The following ELAVL3 variants were observed in gnomAD, a reference collection of about 807,000 sequenced individuals.
ELAVL3 encodes the protein ELAV like RNA binding protein 3, also known as ELAV-like protein 3.
ELAVL3 carries 8 observed loss-of-function variants against 34.2 expected under a neutral mutation model. The observed-to-expected ratio is 0.23, with a 90% CI of 0.14 to 0.42. The LOEUF (loss-of-function observed/expected upper bound fraction) is 0.42. Ranked by LOEUF, ELAVL3 falls within the 10% of genes least tolerant of loss-of-function variation. ELAVL3 has a pLI of 1.00. For synonymous variants in ELAVL3, 209 were observed against 222.1 expected, an observed-to-expected ratio of 0.94 and a Z score of 0.53; for missense variants, 273 against 518.8, an observed-to-expected ratio of 0.53 and a Z score of 4.60.
intron 1 of ELAVL3, among the ~76,000 whole-genome samples, chr19:11,469,188 A>T (rs182202895): frequency 2.0e-5 from 3 of 152,076 alleles, no homozygotes. Flanking sequence ...TTGGCCTCCC[A>T]TAGTGTTGGA....
Position 11,458,696 on chromosome 19 carries a change from G to A in ELAVL3, c.334-85C>T, listed in dbSNP as rs1020517935. 9.7e-6 allele frequency: 15 copies of A among 1,538,888 alleles called. No individual in the cohort carries two copies. The highest frequency in any genetic ancestry group is 2.3e-5 in the East Asian group (1 of 44,354). On this transcript the variant is annotated intron_variant, in intron 3 of 6. Coordinates refer to ENST00000359227, the MANE Select transcript of ELAVL3 (RefSeq NM_001420.4). This position sits in a 1 kb window ranked among gnomAD's most constrained non-coding sequence, Gnocchi z 7.3. ...AGTGAGGCCATGTCTAAACCATCAC[G>A]GAGTTAGCAGAAGTGACCCATCCGT...
rs1599526410 is a variant in ELAVL3 at position 11,454,933 on chromosome 19, T to C, written c.753-56A>G. ...GACCCCCCGCATGCTTCTGACCCCG[T>C]TGTGACCCTTCACACCTTTATGACC... On this transcript the variant is annotated intron_variant, in intron 6 of 6. Transcript: ENST00000359227. The surrounding 1 kb of genome is among the most constrained non-coding windows in gnomAD (Gnocchi z 9.2). The C allele has an allele frequency of 6.5e-7, 1 of 1,529,384 alleles. No individual in the cohort carries two copies. The highest frequency in any genetic ancestry group is 2.3e-5 in the East Asian group (1 of 44,236). 94.7% of individuals were successfully genotyped at this position (1,529,384 alleles called of 1,614,324 possible).
chr19:11,479,923 G>GC (rs1268440295), intron 1 of ELAVL3, among the ~76,000 whole-genome samples: 2 of 151,428 alleles, frequency 1.3e-5, no homozygotes, highest in Non-Finnish European at 3.0e-5. Context: ...GCCCAGAGGT[G>GC]CCCCCCCAAC....
chr19:11,479,929 C>G (rs931329807), intron 1 of ELAVL3, among the ~76,000 whole-genome samples: 3 of 151,706 alleles, frequency 2.0e-5, no homozygotes, highest in East Asian at 1.9e-4. Flanking sequence ...AGGTGCCCCC[C>G]CAACCCGCGG....
At chr19:11,460,194 A>G (rs1453000106) in intron 3 of ELAVL3, among the ~76,000 whole-genome samples, 1 of 152,098 alleles carries the variant, frequency 6.6e-6, no homozygotes, top group African/African-American at 2.4e-5. Flanking sequence ...TCACATGCAC[A>G]TCCAACCCAC....
rs755011401 is a variant in ELAVL3, at chr19:11,466,623, G to T, written c.214C>A (p.Arg72=). Residue 72 remains arginine (R), a synonymous_variant, in exon 2 of 7, where the codon CGG becomes AGG. Coordinates refer to ENST00000359227, the MANE Select transcript of ELAVL3 (RefSeq NM_001420.4). This position sits in a 1 kb window ranked among gnomAD's most constrained non-coding sequence, Gnocchi z 5.0. ...IGDIESCKLV[R]DKITGQSLGY... ...GCAGCCACACCTGTGATCTTGTCCC[G>T]AACCAACTTGCAGGACTCGATGTCG... 5 of 1,613,792 alleles carry T rather than the reference G, an allele frequency of 3.1e-6. No individual in the cohort carries two copies. The highest frequency in any genetic ancestry group is 4.2e-6 in the Non-Finnish European group (5 of 1,180,002).
In ELAVL3 at chr19:11,466,313, C is replaced by A. The variant is rs749161940; in HGVS notation, c.230-38G>T. 2.5e-6 allele frequency: 4 copies of A among 1,579,072 alleles called. No individual in the cohort carries two copies. Among genetic ancestry groups the A allele is most frequent in the African/African-American group, 2.7e-5 (2 of 74,212 alleles). On this transcript the variant is annotated intron_variant, in intron 2 of 6. Coordinates refer to ENST00000359227, the MANE Select transcript of ELAVL3 (RefSeq NM_001420.4). The surrounding 1 kb of genome is among the most constrained non-coding windows in gnomAD (Gnocchi z 5.0). ...CCAGAATGATGACCTTCCCACCCAG[C>A]CTTGACACCTGCCAGTGTCCCACCT...
In ELAVL3 at chr19:11,452,290, TAAAG is replaced by T. The variant is rs751780406; in HGVS notation, c.*2232_*2235del. Reference sequence around the variant, plus strand: ...GGCATAACCATGTCTCGGCAAAACTTAAAGAAACAAAGAGAACATTGTCGTTCCT... The same window carrying T: ...GGCATAACCATGTCTCGGCAAAACTTAAACAAAGAGAACATTGTCGTTCCT... On this transcript the variant is annotated 3_prime_UTR_variant, in exon 7 of 7. Coordinates refer to ENST00000359227, the MANE Select transcript of ELAVL3 (RefSeq NM_001420.4). The T allele has an allele frequency of 3.3e-5, 5 of 152,160 alleles. No individual in the cohort carries two copies. The highest frequency in any genetic ancestry group is 5.9e-5 in the Non-Finnish European group (4 of 68,040). The allele number at this position is 152,160 out of a possible 1,614,324, so 9.4% of individuals were successfully genotyped here.
Position 11,466,184 on chromosome 19 carries a change from C to T in ELAVL3, c.321G>A (p.Thr107=), listed in dbSNP as rs201229155. Residue 107 remains threonine, a synonymous_variant, in exon 3 of 7, where the codon ACG becomes ACA. Transcript: ENST00000359227. The surrounding 1 kb of genome is among the most constrained non-coding windows in gnomAD (Gnocchi z 5.0). ...AGGAGGCACCAACCTTGATGGTCTT[C>T]GTCTGTAATTTGAGGCCGTTGAGGG... ...INTLNGLKLQ[T]KTIKVSYARP... 4.5e-5 allele frequency: 72 copies of T among 1,613,780 alleles called. No homozygotes were observed. The highest frequency in any genetic ancestry group is 2.9e-4 in the South Asian group (26 of 91,076).
At chr19:11,463,022 CT>C (rs1338224674) in intron 3 of ELAVL3, among the ~76,000 whole-genome samples, 2 of 150,996 alleles carry the variant, frequency 1.3e-5, no homozygotes, top group Non-Finnish European at 3.0e-5. Flanking sequence ...GTTTTCTCTT[CT>C]TTTTTTCTCT....
At chr19:11,459,207 C>T (rs1156634279) in intron 3 of ELAVL3, among the ~76,000 whole-genome samples, 2 of 151,246 alleles carry the variant, frequency 1.3e-5, no homozygotes, top group Non-Finnish European at 2.9e-5. Context: ...ATTGCAACCT[C>T]TGCTTACCGG....
chr19:11,468,024 T>C (rs1971090942), intron 1 of ELAVL3, among the ~76,000 whole-genome samples: 1 of 151,834 alleles, frequency 6.6e-6, no homozygotes, highest in South Asian at 2.1e-4. Context: ...TCTTGGGCTC[T>C]GGTGATCCTC....
chr19:11,453,632 C>CT lies in ELAVL3; in HGVS notation c.*893dup, dbSNP rs985887966. The CT allele has an allele frequency of 6.5e-6, 1 of 152,888 alleles. No individual in the cohort carries two copies. The highest frequency in any genetic ancestry group is 6.5e-5 in the Admixed American group (1 of 15,290). The allele number at this position is 152,888 out of a possible 1,614,324, so 9.5% of individuals were successfully genotyped here. A position where few individuals can be genotyped will look rare whatever the true frequency, so the allele number is the denominator to read the frequency against. On this transcript the variant is annotated 3_prime_UTR_variant, in exon 7 of 7. Transcript: ENST00000359227. ...TTTCTGTCTATCCCTGTCCACGTGT[C>CT]TGAGTTTGGCCAACCAGTCCCTTAA...
intron 3 of ELAVL3, among the ~76,000 whole-genome samples, chr19:11,464,143 CTCTCTCTCTA>C (rs1311446957): frequency 1.8e-5 from 2 of 108,878 alleles, no homozygotes; most frequent in African/African-American, 1.0e-4. Context: ...CTCTCTCTCT[CTCTCTCTCTA>C]TATATATATA....
rs370074174 is a variant in ELAVL3 at position 11,454,896 on chromosome 19, G to T, written c.753-19C>A. On this transcript the variant is annotated intron_variant, in intron 6 of 6. Coordinates refer to ENST00000359227, the MANE Select transcript of ELAVL3 (RefSeq NM_001420.4). The surrounding 1 kb of genome is among the most constrained non-coding windows in gnomAD (Gnocchi z 9.2). ...CAGGGGACTACTTTGGGGGTCACGC[G>T]GGCTCTGCCCTGACCCCCCGCATGC... 4.4e-6 allele frequency: 7 copies of T among 1,579,844 alleles called. No individual in the cohort carries two copies. Among genetic ancestry groups the T allele is most frequent in the Non-Finnish European group, 8.6e-7 (1 of 1,167,846 alleles).
chr19:11,471,612 CAAA>C (rs201835223), intron 1 of ELAVL3, among the ~76,000 whole-genome samples: 6,783 of 143,108 alleles, frequency 0.047, 193 homozygotes, highest in East Asian at 0.12. Flanking sequence ...GACTCTGTCT[CAAA>C]AAAAAAAAAT....
chr19:11,463,726 C>T (rs1356105991), intron 3 of ELAVL3, among the ~76,000 whole-genome samples: 3 of 152,076 alleles, frequency 2.0e-5, no homozygotes, highest in African/African-American at 7.2e-5. Flanking sequence ...AATCCCAGCA[C>T]TTTGGGAGGC....
intron 1 of ELAVL3, among the ~76,000 whole-genome samples, chr19:11,469,935 G>C (rs944696401): frequency 6.6e-6 from 1 of 152,216 alleles, no homozygotes; most frequent in African/African-American, 2.4e-5. Flanking sequence ...TTGTGTGCCT[G>C]TAGCAAAGAT....
In ELAVL3 at chr19:11,480,915, G is replaced by A. The variant is rs1460127024; in HGVS notation, c.-307C>T. ...GGGGCCCGGGGAGGTTGCGCTTCCC[G>A]ACAGAGATCGCGGCGCTCTGCCTTT... On this transcript the variant is annotated 5_prime_UTR_variant, in exon 1 of 7. Coordinates refer to ENST00000359227, the MANE Select transcript of ELAVL3 (RefSeq NM_001420.4). This position sits in a 1 kb window ranked among gnomAD's most constrained non-coding sequence, Gnocchi z 6.8. 2 of 321,074 alleles carry A rather than the reference G, an allele frequency of 6.2e-6. No homozygotes were observed. Among genetic ancestry groups the A allele is most frequent in the Non-Finnish European group, 1.1e-5 (2 of 176,076 alleles). 19.9% of individuals were successfully genotyped at this position (321,074 alleles called of 1,614,324 possible).
Sources: allele counts gnomAD v4.1 joint callset (sites outside exome capture counted in the v4.1 genomes callset), GRCh38; gene constraint gnomAD v4.1.1; non-coding constraint Gnocchi (gnomAD v3.1); transcripts MANE v1.5; gene names NCBI Gene and HGNC (gene_info 2026-07-23, HGNC 2026-07-21).